TP53I13: variants seen among roughly 807,000 people sequenced by gnomAD.
TP53I13 encodes the protein tumor protein p53 inducible protein 13.
In TP53I13, 27 loss-of-function variants were observed where a neutral mutation model predicts 39.1. The ratio of observed to expected loss-of-function variants is 0.69; its 90% CI spans 0.51 to 0.95. The LOEUF (loss-of-function observed/expected upper bound fraction) is 0.95, where lower values mean the gene tolerates loss of function less well. TP53I13 is among the 40% of genes least tolerant of loss of function. The pLI, the probability that TP53I13 is intolerant of heterozygous loss-of-function variation, is 0.00. For synonymous variants in TP53I13, 230 were observed against 224.6 expected, an observed-to-expected ratio of 1.02 and a Z score of -0.22; for missense variants, 544 against 520.4, an observed-to-expected ratio of 1.05 and a Z score of -0.44.
At chr17:29,576,228 G>A (rs951722263), downstream of TP53I13, 1 of 1,607,892 alleles carries the variant, frequency 6.2e-7, no homozygotes, top group Non-Finnish European at 8.5e-7. Context: ...ACAGTGCTGT[G>A]GAAAGGCTGC....
downstream of TP53I13, chr17:29,574,497 G>A: frequency 1.6e-6 from 1 of 636,454 alleles, no homozygotes; most frequent in South Asian, 1.8e-5. Context: ...TGGAATGTGG[G>A]GGACAGAAGC....
Position 29,572,896 on chromosome 17 carries a change from G to T in TP53I13, c.1154G>T (p.Ser385Ile). Residue 385 changes from serine to isoleucine, a missense_variant, in exon 7 of 7, where the codon AGC (serine) becomes ATC (isoleucine). Ser to Ile is a moderately radical substitution (Grantham distance 142). Coordinates refer to ENST00000301057, the MANE Select transcript of TP53I13 (RefSeq NM_138349.4). ...RRPLLPPTPD[S>I]GPEGESSE ...CCCCTCCTCCCGCCCACGCCGGACA[G>T]CGGCCCGGAAGGCGAGAGCTCGGAG... 6.6e-7 allele frequency: 1 copy of T among 1,511,804 alleles called. No homozygotes were observed. Among genetic ancestry groups the T allele is most frequent in the African/African-American group, 1.4e-5 (1 of 70,000 alleles). 93.6% of individuals were successfully genotyped at this position (1,511,804 alleles called of 1,614,324 possible).
chr17:29,566,656 G>C (rs1051787223), upstream of TP53I13: 1 of 1,603,672 alleles, frequency 6.2e-7, no homozygotes, highest in African/African-American at 1.3e-5. Flanking sequence ...CTGCAGGTGG[G>C]GCCCGGAGAA....
At chr17:29,579,957 T>C in the TP53I13 span, among the ~76,000 whole-genome samples, 1 of 152,150 alleles carries the variant, frequency 6.6e-6, no homozygotes, top group South Asian at 2.1e-4. Context: ...GGGCTGCTCA[T>C]TCTCCAGCTC....
chr17:29,578,463 G>A, the TP53I13 span: 979 of 1,221,018 alleles, frequency 8.0e-4, 12 homozygotes, highest in African/African-American at 0.013. Flanking sequence ...TTGGGGAACC[G>A]GTGGCCTTCC....
At chr17:29,579,801 C>T in the TP53I13 span, among the ~76,000 whole-genome samples, 1 of 152,158 alleles carries the variant, frequency 6.6e-6, no homozygotes, top group Non-Finnish European at 1.5e-5. Context: ...ATGCTGTCAT[C>T]TCCATTTCCA....
chr17:29,574,517 C>A (rs1031061919), downstream of TP53I13: 1 of 651,258 alleles, frequency 1.5e-6, no homozygotes, highest in Non-Finnish European at 2.8e-6. Flanking sequence ...CTCCTGCCCC[C>A]CCACCTCCCC....
downstream of TP53I13, chr17:29,574,696 G>C (rs2033121990): frequency 1.9e-6 from 3 of 1,608,056 alleles, no homozygotes; most frequent in South Asian, 3.3e-5. Context: ...GGTGTGGGGA[G>C]AGAGGTCACT....
upstream of TP53I13, chr17:29,566,649 C>G: frequency 6.2e-7 from 1 of 1,604,856 alleles, no homozygotes; most frequent in Non-Finnish European, 8.5e-7. Context: ...AGAGGGTCTG[C>G]AGGTGGGGCC....
At chr17:29,568,272 T>C (rs1052786000), upstream of TP53I13, 9 of 152,292 alleles carry the variant, frequency 5.9e-5, no homozygotes, top group African/African-American at 1.4e-4. This position sits in a 1 kb window ranked among gnomAD's most constrained non-coding sequence, Gnocchi z 4.5. Flanking sequence ...CCTCTTCTCA[T>C]TGCAGGTCAC....
In TP53I13 at chr17:29,572,062, G is replaced by C; in HGVS notation, c.513+5G>C. The C allele has an allele frequency of 3.7e-6, 6 of 1,613,000 alleles. No homozygotes were observed. Among genetic ancestry groups the C allele is most frequent in the Non-Finnish European group, 4.2e-6 (5 of 1,179,988 alleles). On this transcript the variant is annotated splice_donor_5th_base_variant and intron_variant, in intron 5 of 6. Transcript: ENST00000301057. ...TGCCGAAGAGGGTGTGTGCAGGTGA[G>C]AGACGCTGGGCCCAGGCTTGTTGGC...
At chr17:29,575,092 G>A, downstream of TP53I13, 8 of 1,598,492 alleles carry the variant, frequency 5.0e-6, no homozygotes, top group Non-Finnish European at 6.0e-6. This position sits in a 1 kb window ranked among gnomAD's most constrained non-coding sequence, Gnocchi z 5.5. Flanking sequence ...TGGGAAGAGG[G>A]AGGCCATCTC....
the TP53I13 span, chr17:29,581,722 G>GC: frequency 3.1e-6 from 5 of 1,593,094 alleles, no homozygotes; most frequent in Non-Finnish European, 2.6e-6. This position sits in a 1 kb window ranked among gnomAD's most constrained non-coding sequence, Gnocchi z 4.8. Flanking sequence ...ACAGCCAGGC[G>GC]CCCCCCAAGC....
chr17:29,571,334 T>A (rs2032912866), intron 3 of TP53I13: 1 of 500,074 alleles, frequency 2.0e-6, no homozygotes, highest in African/African-American at 1.9e-5. Flanking sequence ...GTGGTCTGAG[T>A]CTGGCAGGAT....
chr17:29,573,307 G>A, downstream of TP53I13: 1 of 208,168 alleles, frequency 4.8e-6, no homozygotes, highest in Non-Finnish European at 9.5e-6. Flanking sequence ...TGGGAGGGTG[G>A]CGTTATCGTC....
At chr17:29,576,232 A>T, downstream of TP53I13, 1 of 1,607,914 alleles carries the variant, frequency 6.2e-7, no homozygotes, top group East Asian at 2.2e-5. Context: ...TGCTGTGGAA[A>T]GGCTGCAGCC....
At chr17:29,579,052 GGCA>G in the TP53I13 span, 1 of 1,451,016 alleles carries the variant, frequency 6.9e-7, no homozygotes, top group South Asian at 1.1e-5. Flanking sequence ...CCAGGAGCAG[GGCA>G]GCACACGCCT....
At position 29,572,616 on chromosome 17, in the gene TP53I13, T is replaced by C; in HGVS notation, c.988T>C (p.Cys330Arg). ...GGTGCTGCTCACCCTGGCCACGCTC[T>C]GCACACGGCTGCACAGAAACTTCCG... ...LLVLLTLATLCTRLHRNFRRG... is the reference protein window; with the variant it reads ...LLVLLTLATLRTRLHRNFRRG... Residue 330 changes from cysteine (C) to arginine (R), a missense_variant, in exon 6 of 7, where the codon TGC (cysteine) becomes CGC (arginine). Cys to Arg is a radical substitution (Grantham distance 180). Coordinates refer to ENST00000301057, the MANE Select transcript of TP53I13 (RefSeq NM_138349.4). 1 of 1,588,908 alleles carries C rather than the reference T, an allele frequency of 6.3e-7. No individual in the cohort carries two copies. Among genetic ancestry groups the C allele is most frequent in the African/African-American group, 1.3e-5 (1 of 74,380 alleles).
rs1598549401 is a variant in TP53I13 at position 29,569,002 on chromosome 17, C to T, written c.73-16C>T. ...CGCCGCGTCCAGCGCCCCAACTCTT[C>T]GCTTTGGACCCACAGGTGATGGCTG... On this transcript the variant is annotated splice_polypyrimidine_tract_variant and intron_variant, in intron 1 of 6. Coordinates refer to ENST00000301057, the MANE Select transcript of TP53I13 (RefSeq NM_138349.4). 6.8e-6 allele frequency: 11 copies of T among 1,607,058 alleles called. No individual in the cohort carries two copies. The highest frequency in any genetic ancestry group is 2.7e-5 in the African/African-American group (2 of 74,948).
Sources: allele counts gnomAD v4.1 joint callset (sites outside exome capture counted in the v4.1 genomes callset), GRCh38; gene constraint gnomAD v4.1.1; non-coding constraint Gnocchi (gnomAD v3.1); transcripts MANE v1.5; gene names NCBI Gene and HGNC (gene_info 2026-07-23, HGNC 2026-07-21).